The following PDE9A variants were observed in gnomAD, a reference collection of about 807,000 sequenced individuals.
PDE9A encodes the protein phosphodiesterase 9A.
A neutral mutation model predicts 87.4 loss-of-function variants in PDE9A; 60 were observed. The ratio of observed to expected loss-of-function variants is 0.69; its 90% confidence interval spans 0.56 to 0.85. The LOEUF is 0.85. Among genes scored for constraint, PDE9A ranks in the 40% least tolerant of loss-of-function variants. PDE9A has a pLI of 0.00. For synonymous variants in PDE9A, 272 were observed against 279.4 expected (o/e 0.97, Z 0.27); for missense variants, 665 against 779.0 (o/e 0.85, Z 1.74).
intron 8 of PDE9A, among the ~76,000 whole-genome samples, chr21:42,748,962 A>G (rs983295468): frequency 1.3e-5 from 2 of 152,160 alleles, no homozygotes; most frequent in Non-Finnish European, 2.9e-5. Flanking sequence ...AATATCCGTG[A>G]TGATCCTCCT....
At position 42,660,741 on chromosome 21, in the gene PDE9A, C is replaced by T. The variant is rs1050467080; in HGVS notation, c.69+6858C>T. Among the ~76,000 whole-genome samples the T allele has an allele frequency of 2.6e-5, 4 of 152,108 alleles. No homozygotes were observed. Among genetic ancestry groups the T allele is most frequent in the African/African-American group, 9.7e-5 (4 of 41,420 alleles). ...TCCTGGCACTGCGGGCACAGTCATGCCATGGGCACCAGGGACGCCCAGTGC... is the reference window on the plus strand; with the variant it reads ...TCCTGGCACTGCGGGCACAGTCATGTCATGGGCACCAGGGACGCCCAGTGC... On this transcript the variant is annotated intron_variant, in intron 1 of 19. Coordinates refer to ENST00000291539, the MANE Select transcript of PDE9A (RefSeq NM_002606.3). This position sits in a 1 kb window ranked among gnomAD's most constrained non-coding sequence, Gnocchi z 4.7.
At position 42,739,409 on chromosome 21, in the gene PDE9A, C is replaced by G. The variant is rs1249807123; in HGVS notation, c.569-4367C>G. Among the ~76,000 whole-genome samples the G allele has an allele frequency of 6.6e-6, 1 of 152,170 alleles. No homozygotes were observed. The highest frequency in any genetic ancestry group is 1.5e-5 in the Non-Finnish European group (1 of 68,028). On this transcript the variant is annotated intron_variant, in intron 7 of 19. Transcript: ENST00000291539. The surrounding 1 kb of genome is among the most constrained non-coding windows in gnomAD (Gnocchi z 4.1). ...AAAGCAGCCGGGTGTCCTGGAAAGG[C>G]CAGGGAGTGAGGAGGCAGGACCCCC... is the stretch of plus-strand genomic sequence containing the variant.
chr21:42,768,010 A>G (rs1832618164), intron 15 of PDE9A, among the ~76,000 whole-genome samples, 178 bp from the exon 16 acceptor site: 4 of 152,294 alleles, frequency 2.6e-5, no homozygotes, highest in African/African-American at 9.6e-5. Context: ...CAGGACCTTG[A>G]AGGTTCATTC....
intron 1 of PDE9A, among the ~76,000 whole-genome samples, chr21:42,679,642 T>C (rs3819901): frequency 0.31 from 46,505 of 151,962 alleles, 7,758 homozygotes; most frequent in African/African-American, 0.44. Flanking sequence ...AAGGGACCCT[T>C]CCCACAACCT....
At chr21:42,663,941 C>A (rs1472910864) in intron 1 of PDE9A, among the ~76,000 whole-genome samples, 2 of 152,238 alleles carry the variant, frequency 1.3e-5, no homozygotes, top group Non-Finnish European at 2.9e-5. Context: ...CCAGGATGCT[C>A]CAGGTCCTTG....
At chr21:42,749,700 G>T (rs1487668922) in intron 8 of PDE9A, among the ~76,000 whole-genome samples, 1 of 152,248 alleles carries the variant, frequency 6.6e-6, no homozygotes, top group Non-Finnish European at 1.5e-5. Context: ...GGACTGGATT[G>T]CTAACGTGTG....
chr21:42,697,346 C>A, intron 3 of PDE9A: 2 of 890,576 alleles, frequency 2.2e-6, no homozygotes, highest in Non-Finnish European at 3.8e-6. Context: ...ACATGTATTG[C>A]CCCCAGTTAA....
chr21:42,744,132 C>G (rs113671009), intron 8 of PDE9A, among the ~76,000 whole-genome samples: 81 of 152,286 alleles, frequency 5.3e-4, no homozygotes, highest in African/African-American at 1.8e-3. Context: ...GTGGGAGGAT[C>G]ACCTGAGGAC....
At chr21:42,740,759 A>AGATAAACAG (rs1569229261) in intron 7 of PDE9A, among the ~76,000 whole-genome samples, 43 of 126,034 alleles carry the variant, frequency 3.4e-4, no homozygotes, top group South Asian at 1.3e-3. Context: ...TAAACAGGAT[A>AGATAAACAG]GATAGATAGA....
chr21:42,760,416 G>C lies in PDE9A; in HGVS notation c.986G>C (p.Trp329Ser). The part of the protein sequence containing the change: ...CVAQMMYSMV[W>S]LCSLQEKFSQ... Reference sequence around the variant, plus strand: ...GCCCAGATGATGTACAGCATGGTCTGGCTCTGCAGTCTCCAGGTGGGTCCT... The same window carrying C: ...GCCCAGATGATGTACAGCATGGTCTCGCTCTGCAGTCTCCAGGTGGGTCCT... The change falls in exon 12 of 20, where the codon TGG (tryptophan) becomes TCG (serine). Residue 329 changes from tryptophan (W) to serine (S), a missense_variant. Transcript: ENST00000291539. This position sits in a 1 kb window ranked among gnomAD's most constrained non-coding sequence, Gnocchi z 5.2. 6.2e-7 allele frequency: 1 copy of C among 1,602,716 alleles called. No homozygotes were observed. Among genetic ancestry groups the C allele is most frequent in the Non-Finnish European group, 8.5e-7 (1 of 1,175,136 alleles).
rs1273127800 is a variant in PDE9A, at chr21:42,653,897, C to T, written c.69+14C>T. 4.8e-6 allele frequency: 7 copies of T among 1,453,260 alleles called. No individual in the cohort carries two copies. Among genetic ancestry groups the T allele is most frequent in the African/African-American group, 1.4e-5 (1 of 69,056 alleles). 90.0% of individuals were successfully genotyped at this position (1,453,260 alleles called of 1,614,324 possible). A position where few individuals can be genotyped will look rare whatever the true frequency, so the allele number is the denominator to read the frequency against. ...CGCATTCAGAAGGTAGCCCCTCCCC[C>T]ACCCAGACACCCCCTCCTCCCCCCG... On this transcript the variant is annotated intron_variant, in intron 1 of 19. Coordinates refer to ENST00000291539, the MANE Select transcript of PDE9A (RefSeq NM_002606.3).
At chr21:42,773,318 A>T (rs1297239468) in intron 19 of PDE9A, among the ~76,000 whole-genome samples, 1 of 152,032 alleles carries the variant, frequency 6.6e-6, no homozygotes, top group Non-Finnish European at 1.5e-5. Flanking sequence ...TTTAGTTAAT[A>T]GAAAAACATC....
intron 1 of PDE9A, among the ~76,000 whole-genome samples, chr21:42,655,213 A>G (rs147218179): frequency 2.1e-3 from 327 of 152,292 alleles, no homozygotes; most frequent in African/African-American, 7.5e-3. Context: ...TGCACACCAC[A>G]TAGGCACATG....
intron 1 of PDE9A, among the ~76,000 whole-genome samples, chr21:42,669,872 C>T (rs1318134659): frequency 4.6e-5 from 7 of 152,160 alleles, no homozygotes; most frequent in Admixed American, 1.3e-4. Context: ...GAATTGAGCC[C>T]GGGAACCTGC....
At chr21:42,710,387 C>T (rs1419152478) in intron 4 of PDE9A, among the ~76,000 whole-genome samples, 32 of 137,812 alleles carry the variant, frequency 2.3e-4, no homozygotes, top group Admixed American at 1.2e-3. Context: ...CCAGTCTGGG[C>T]GACAGAGCGA....
Position 42,751,161 on chromosome 21 carries a change from G to A in PDE9A, c.699G>A (p.Lys233=). 1.2e-6 allele frequency: 2 copies of A among 1,613,452 alleles called. No individual in the cohort carries two copies. The highest frequency in any genetic ancestry group is 1.7e-6 in the Non-Finnish European group (2 of 1,179,448). The change falls in exon 9 of 20, where the codon AAG becomes AAA. Residue 233 remains lysine (K), a synonymous_variant. Transcript: ENST00000291539. ...ACAGTTTTTTGGATAACCACAAGAA[G>A]TTGACTCCTCGACGCGATGTTCCCA... is the stretch of plus-strand genomic sequence containing the variant. The part of the protein sequence containing the change: ...CKYSFLDNHK[K]LTPRRDVPTY...
intron 8 of PDE9A, among the ~76,000 whole-genome samples, chr21:42,750,883 C>T (rs2054348848): frequency 6.6e-6 from 1 of 152,196 alleles, no homozygotes; most frequent in Non-Finnish European, 1.5e-5. Flanking sequence ...CCACGCCCAG[C>T]CCCAACATCT....
At position 42,754,011 on chromosome 21, in the gene PDE9A, A is replaced by G; in HGVS notation, c.757A>G (p.Ile253Val). 1 of 1,613,370 alleles carries G rather than the reference A, an allele frequency of 6.2e-7. No individual in the cohort carries two copies. The highest frequency in any genetic ancestry group is 8.5e-7 in the Non-Finnish European group (1 of 1,179,448). Reference sequence around the variant, plus strand: ...CTAGTACCTGCTCTCTCCAGAGACCATCGAGGCCCTGCGGAAGCCGACCTT... The same window carrying G: ...CTAGTACCTGCTCTCTCCAGAGACCGTCGAGGCCCTGCGGAAGCCGACCTT... ...YPKYLLSPET[I>V]EALRKPTFDV... Residue 253 changes from isoleucine (I) to valine (V), a missense_variant, in exon 10 of 20, where the codon ATC becomes GTC. Physicochemically the swap from Ile to Val is conservative, Grantham distance 29. Coordinates refer to ENST00000291539, the MANE Select transcript of PDE9A (RefSeq NM_002606.3).
intron 1 of PDE9A, among the ~76,000 whole-genome samples, chr21:42,677,003 C>T (rs370871204): frequency 1.6e-4 from 24 of 152,198 alleles, no homozygotes; most frequent in African/African-American, 5.8e-4. Context: ...CCTCATTAAC[C>T]AGCTGCCCTT....
Sources: allele counts gnomAD v4.1 joint callset (sites outside exome capture counted in the v4.1 genomes callset), GRCh38; gene constraint gnomAD v4.1.1; non-coding constraint Gnocchi (gnomAD v3.1); transcripts MANE v1.5; gene names NCBI Gene and HGNC (gene_info 2026-07-23, HGNC 2026-07-21).